DLGAP2: variants seen among roughly 807,000 people sequenced by gnomAD.
The protein encoded by DLGAP2 is DLG associated protein 2.
Under a neutral mutation model 100.3 loss-of-function variants are expected in DLGAP2, and 26 were observed. That is an observed-to-expected ratio of 0.26 (90% confidence interval 0.19 to 0.36). The LOEUF is 0.36. DLGAP2 is among the 10% of genes least tolerant of loss of function. The pLI is 1.00. For missense variants in DLGAP2, 1,858 were observed against 1,453.2 expected (o/e 1.28, Z -4.53); for synonymous variants, 886 against 630.1 (o/e 1.41, Z -6.08).
At chr8:875,673 A>G (rs773587260) in intron 1 of DLGAP2, among the ~76,000 whole-genome samples, 2 of 152,200 alleles carry the variant, frequency 1.3e-5, no homozygotes, top group Admixed American at 1.3e-4. Context: ...GTGAGAATGA[A>G]CTAATATAGT....
At chr8:1,239,992 T>G (rs1295310506) in intron 2 of DLGAP2, among the ~76,000 whole-genome samples, 1 of 148,966 alleles carries the variant, frequency 6.7e-6, no homozygotes, top group Non-Finnish European at 1.5e-5. Context: ...TCTAGTTCTC[T>G]CTCACACAGA....
intron 2 of DLGAP2, among the ~76,000 whole-genome samples, chr8:1,096,969 A>G (rs1302920642): frequency 4.1e-4 from 57 of 139,350 alleles, no homozygotes; most frequent in South Asian, 1.4e-3. Context: ...TGGCATAGAG[A>G]GGACCCCTCC....
chr8:1,475,816 C>A (rs192829585), intron 3 of DLGAP2, among the ~76,000 whole-genome samples: 7 of 152,168 alleles, frequency 4.6e-5, no homozygotes, highest in African/African-American at 1.7e-4. Flanking sequence ...TATAGGAGAT[C>A]ATTACTCTTT....
intron 2 of DLGAP2, among the ~76,000 whole-genome samples, chr8:1,118,288 A>G (rs539827868): frequency 1.3e-5 from 2 of 152,324 alleles, no homozygotes; most frequent in Non-Finnish European, 2.9e-5. Flanking sequence ...TGCTGATTCC[A>G]GCATCTGCAG....
intron 3 of DLGAP2, among the ~76,000 whole-genome samples, chr8:1,319,489 A>G (rs1262348473): frequency 6.6e-6 from 1 of 152,174 alleles, no homozygotes; most frequent in African/African-American, 2.4e-5. Flanking sequence ...GTGGGTGTGG[A>G]GGCAGCTGAC....
rs1312382730 is a variant in DLGAP2 at position 1,703,022 on chromosome 8, T to A, written c.*1616T>A. On this transcript the variant is annotated 3_prime_UTR_variant, in exon 15 of 15. Coordinates refer to ENST00000637795, the MANE Select transcript of DLGAP2 (RefSeq NM_001346810.2). ...TCTGCAGCCCGTGGCTGGCAGGGCGTTCGATGTGCGGTTGGCCCCCAGCGC... is the reference window on the plus strand; with the variant it reads ...TCTGCAGCCCGTGGCTGGCAGGGCGATCGATGTGCGGTTGGCCCCCAGCGC... The A allele has an allele frequency of 2.0e-5, 3 of 152,612 alleles. No individual in the cohort carries two copies. The highest frequency in any genetic ancestry group is 1.9e-4 in the East Asian group (1 of 5,190). The allele number at this position is 152,612 out of a possible 1,614,324, so 9.5% of individuals were successfully genotyped here. A position where few individuals can be genotyped will look rare whatever the true frequency, so the allele number is the denominator to read the frequency against.
rs551563223 is a variant in DLGAP2, at chr8:1,614,260, C to T, written c.1443-12480C>T. ...ACGGATGGCACAGACCTGGGGTCTC[C>T]TGAGCATTTGCAGTCAGGCAAGAGA... On this transcript the variant is annotated intron_variant, in intron 6 of 14. Transcript: ENST00000637795. Among the ~76,000 whole-genome samples the T allele has an allele frequency of 2.4e-4, 36 of 152,354 alleles. 1 individual carries two copies. Among genetic ancestry groups the T allele is most frequent in the Middle Eastern group, 3.4e-3 (1 of 294 alleles).
At chr8:1,252,073 G>T (rs556257978) in intron 2 of DLGAP2, among the ~76,000 whole-genome samples, 9 of 143,182 alleles carry the variant, frequency 6.3e-5, no homozygotes, top group Admixed American at 2.7e-4. Flanking sequence ...CTGTGTTGTC[G>T]TGTGGGTGTG....
At chr8:1,641,617 G>C (rs1032857409) in intron 8 of DLGAP2, among the ~76,000 whole-genome samples, 6 of 152,134 alleles carry the variant, frequency 3.9e-5, no homozygotes, top group Non-Finnish European at 5.9e-5. Context: ...CCTGAAGTAG[G>C]GGTACATTTG....
Position 1,291,815 on chromosome 8 carries a change from C to G in DLGAP2, c.106+32932C>G, listed in dbSNP as rs561583160. Among the ~76,000 whole-genome samples the G allele has an allele frequency of 7.4e-4, 112 of 152,258 alleles. 2 individuals are homozygous for G. Among genetic ancestry groups the G allele is most frequent in the Middle Eastern group, 6.8e-3 (2 of 294 alleles). The stretch of plus-strand genomic sequence containing the variant: ...ATACGAGCAAATCCATCTCACTGCC[C>G]TCCAGCCACACTTTGTACTGCTCAG... On this transcript the variant is annotated intron_variant, in intron 3 of 14. Transcript: ENST00000637795.
chr8:1,512,424 A>G lies in DLGAP2; in HGVS notation c.172+10993A>G, dbSNP rs545211233. 9.5e-4 allele frequency among the ~76,000 whole-genome samples: 144 copies of G among 152,300 alleles called. 1 individual carries two copies. The highest frequency in any genetic ancestry group is 3.4e-3 in the African/African-American group (141 of 41,566). ...TCGTCGGCGGCATAGGGACGGGGCC[A>G]GCGTGGGTGTCAGCCGTGGGTGTGG... On this transcript the variant is annotated intron_variant, in intron 4 of 14. Transcript: ENST00000637795.
intron 1 of DLGAP2, among the ~76,000 whole-genome samples, chr8:808,061 G>A (rs1347058531): frequency 1.3e-5 from 2 of 152,176 alleles, no homozygotes; most frequent in Non-Finnish European, 2.9e-5. Flanking sequence ...TGGTTGATTT[G>A]GATAATTTTA....
At chr8:1,453,141 C>T (rs1034570106) in intron 3 of DLGAP2, among the ~76,000 whole-genome samples, 39 of 151,914 alleles carry the variant, frequency 2.6e-4, no homozygotes, top group African/African-American at 9.2e-4. Context: ...AGGGGAACGT[C>T]GCAGGTATTG....
chr8:1,322,702 ATGT>A (rs1800933650), intron 3 of DLGAP2, among the ~76,000 whole-genome samples: 2 of 152,222 alleles, frequency 1.3e-5, no homozygotes, highest in Non-Finnish European at 2.9e-5. Context: ...GACTTCACAC[ATGT>A]TGTTCCTTCA....
chr8:1,384,626 C>T (rs1796173945), intron 3 of DLGAP2, among the ~76,000 whole-genome samples: 2 of 143,398 alleles, frequency 1.4e-5, no homozygotes, highest in Non-Finnish European at 3.0e-5. Flanking sequence ...ACAGTTACCC[C>T]GGCCTGTGCC....
At chr8:1,333,140 G>A (rs569760098) in intron 3 of DLGAP2, among the ~76,000 whole-genome samples, 4 of 152,172 alleles carry the variant, frequency 2.6e-5, no homozygotes, top group Admixed American at 1.3e-4. Flanking sequence ...GGCTGCAGGC[G>A]TGAGCACAAG....
intron 2 of DLGAP2, among the ~76,000 whole-genome samples, chr8:1,091,542 T>G (rs55874736): frequency 0.17 from 25,236 of 152,260 alleles, 2,171 homozygotes; most frequent in Admixed American, 0.21. Flanking sequence ...CACCTATGTG[T>G]GTGCACACAC....
chr8:1,203,291 G>A (rs113870643), intron 2 of DLGAP2, among the ~76,000 whole-genome samples: 1 of 148,222 alleles, frequency 6.7e-6, no homozygotes, highest in African/African-American at 2.5e-5. Flanking sequence ...CCCACCCCTC[G>A]GTGTTAGAAT....
At chr8:1,198,563 C>T (rs924206986) in intron 2 of DLGAP2, among the ~76,000 whole-genome samples, 3 of 152,228 alleles carry the variant, frequency 2.0e-5, no homozygotes, top group African/African-American at 7.2e-5. Flanking sequence ...TCAGGAGGGC[C>T]AGGTCCCAGG....
Sources: allele counts gnomAD v4.1 joint callset (sites outside exome capture counted in the v4.1 genomes callset), GRCh38; gene constraint gnomAD v4.1.1; transcripts MANE v1.5; gene names NCBI Gene and HGNC (gene_info 2026-07-23, HGNC 2026-07-21).